The following CDC14A variants were observed in gnomAD, a reference collection of about 807,000 sequenced individuals.
CDC14A encodes dual specificity protein phosphatase CDC14A.
CDC14A carries 53 observed loss-of-function variants against 74.4 expected under a neutral mutation model. That is an observed-to-expected ratio of 0.71 (90% CI 0.57 to 0.89). The LOEUF is 0.89. CDC14A is among the 40% of genes least tolerant of loss of function. The pLI, the probability that CDC14A is intolerant of heterozygous loss-of-function variation, is 0.00. For missense variants in CDC14A, 646 were observed against 713.7 expected, an observed-to-expected ratio of 0.91 and a Z score of 1.08; for synonymous variants, 247 against 258.4, an observed-to-expected ratio of 0.96 and a Z score of 0.43.
chr1:100,460,154 A>G (rs1409919439), intron 8 of CDC14A, among the ~76,000 whole-genome samples: 1 of 152,234 alleles, frequency 6.6e-6, no homozygotes, highest in Non-Finnish European at 1.5e-5. Context: ...CACTTAGCAT[A>G]GTGGCTAGCA....
intron 10 of CDC14A, among the ~76,000 whole-genome samples, chr1:100,469,610 C>A (rs773398555): frequency 2.6e-5 from 4 of 152,170 alleles, no homozygotes; most frequent in African/African-American, 9.7e-5. Flanking sequence ...GGTTAAAAAA[C>A]CAAATACTCC....
intron 10 of CDC14A, among the ~76,000 whole-genome samples, chr1:100,477,250 T>G (rs1377289609): frequency 6.6e-6 from 1 of 152,154 alleles, no homozygotes; most frequent in Non-Finnish European, 1.5e-5. Context: ...CATAGGAAAT[T>G]AATACATCTG....
At chr1:100,413,519 T>C (rs185738908) in intron 4 of CDC14A, among the ~76,000 whole-genome samples, 72 of 152,322 alleles carry the variant, frequency 4.7e-4, no homozygotes, top group Non-Finnish European at 1.6e-4. Context: ...AAGTATATAC[T>C]CTAGTTACTA....
intron 10 of CDC14A, among the ~76,000 whole-genome samples, chr1:100,475,875 C>T (rs1439281126): frequency 6.6e-6 from 1 of 152,070 alleles, no homozygotes; most frequent in Admixed American, 6.6e-5. Context: ...AGGAGTGGGG[C>T]CGAAATTGGG....
At chr1:100,497,627 G>A (rs1001824950) in intron 13 of CDC14A, among the ~76,000 whole-genome samples, 1 of 152,202 alleles carries the variant, frequency 6.6e-6, no homozygotes, top group East Asian at 1.9e-4. Flanking sequence ...GTGAAAAGAA[G>A]AGGATGGATT....
At chr1:100,433,322 C>T (rs1276635877) in intron 5 of CDC14A, among the ~76,000 whole-genome samples, 2 of 152,194 alleles carry the variant, frequency 1.3e-5, no homozygotes, top group Non-Finnish European at 2.9e-5. Flanking sequence ...CAACACTGTA[C>T]TATACTCTGG....
intron 4 of CDC14A, among the ~76,000 whole-genome samples, chr1:100,412,560 TG>T (rs1421695842): frequency 2.7e-5 from 4 of 147,750 alleles, no homozygotes; most frequent in Admixed American, 2.7e-4. Context: ...CATAGGAAGA[TG>T]GGGGTGAGAA....
In CDC14A at chr1:100,459,095, ACACACG is replaced by A. The variant is rs1174157982; in HGVS notation, c.608-3550_608-3545del. On this transcript the variant is annotated intron_variant, in intron 8 of 15. Transcript: ENST00000336454. ...TTCTCACTTCTATTTAAACACACAC[ACACACG>A]CACACACACACACACACACACACAC... is the stretch of plus-strand genomic sequence containing the variant. 3.0e-3 allele frequency among the ~76,000 whole-genome samples: 402 copies of A among 135,428 alleles called. 7 individuals are homozygous for A. Among genetic ancestry groups the A allele is most frequent in the African/African-American group, 0.011 (369 of 33,228 alleles). The allele number at this position is 135,428 out of a possible 152,430, so 88.8% of individuals were successfully genotyped here.
At chr1:100,399,956 T>G (rs1302716048) in intron 4 of CDC14A, among the ~76,000 whole-genome samples, 1 of 152,164 alleles carries the variant, frequency 6.6e-6, no homozygotes, top group Non-Finnish European at 1.5e-5. Flanking sequence ...CTGTAAAAAA[T>G]TAGGAAGTCC....
intron 2 of CDC14A, among the ~76,000 whole-genome samples, chr1:100,368,760 A>G (rs907522492): frequency 6.6e-6 from 1 of 152,278 alleles, no homozygotes; most frequent in Admixed American, 6.5e-5. Context: ...CCACTTCAGT[A>G]GTCCTTCATG....
At position 100,393,198 on chromosome 1, in the gene CDC14A, A is replaced by G. The variant is rs750124257; in HGVS notation, c.309+2374A>G. On this transcript the variant is annotated intron_variant, in intron 4 of 15. Coordinates refer to ENST00000336454, the MANE Select transcript of CDC14A (RefSeq NM_003672.4). ...CAATTTAGATCCAGCTGTGAGTTGC[A>G]TGTTCTTTCTCTGCCAGTTTAAATC... The G allele has an allele frequency of 2.3e-5, 37 of 1,594,328 alleles. 1 individual carries two copies. Among genetic ancestry groups the G allele is most frequent in the Non-Finnish European group, 3.0e-5 (35 of 1,162,394 alleles).
intron 3 of CDC14A, among the ~76,000 whole-genome samples, chr1:100,379,832 T>C (rs1319252916): frequency 6.6e-6 from 1 of 152,118 alleles, no homozygotes. Context: ...TCATGTCATA[T>C]GGCAAGAGAG....
In CDC14A at chr1:100,508,073, A is replaced by G. The variant is rs578210637; in HGVS notation, c.1755+8811A>G. On this transcript the variant is annotated intron_variant, in intron 15 of 15. Coordinates refer to ENST00000336454, the MANE Select transcript of CDC14A (RefSeq NM_003672.4). The surrounding 1 kb of genome is among the most constrained non-coding windows in gnomAD (Gnocchi z 4.4). ...TTTTCAGTTCCTAAGCTCTAGCTGTATTCTGATTGAATTCCTCCTATTATT... is the reference window on the plus strand; with the variant it reads ...TTTTCAGTTCCTAAGCTCTAGCTGTGTTCTGATTGAATTCCTCCTATTATT... 1.3e-5 allele frequency among the ~76,000 whole-genome samples: 2 copies of G among 152,184 alleles called. No homozygotes were observed. The highest frequency in any genetic ancestry group is 2.9e-5 in the Non-Finnish European group (2 of 67,976).
chr1:100,366,473 G>A (rs925230716), intron 2 of CDC14A, among the ~76,000 whole-genome samples: 1 of 152,256 alleles, frequency 6.6e-6, no homozygotes, highest in African/African-American at 2.4e-5. Context: ...TAGAAAAACC[G>A]AAGACAAAAT....
At chr1:100,401,809 T>C (rs1557719413) in intron 4 of CDC14A, among the ~76,000 whole-genome samples, 1 of 151,942 alleles carries the variant, frequency 6.6e-6, no homozygotes, top group African/African-American at 2.4e-5. Flanking sequence ...GAGGCCAAGG[T>C]GGGCGGATCA....
intron 2 of CDC14A, among the ~76,000 whole-genome samples, chr1:100,366,453 T>G (rs966432942): frequency 6.6e-6 from 1 of 152,230 alleles, no homozygotes; most frequent in African/African-American, 2.4e-5. Flanking sequence ...TCACTTAAAT[T>G]ATAGTTTATT....
chr1:100,367,163 T>C (rs1653748582), intron 2 of CDC14A, among the ~76,000 whole-genome samples: 1 of 152,228 alleles, frequency 6.6e-6, no homozygotes, highest in Non-Finnish European at 1.5e-5. Context: ...GAAGTACTTA[T>C]TTCTACCATC....
intron 11 of CDC14A, among the ~76,000 whole-genome samples, chr1:100,487,007 A>T (rs1434486418): frequency 6.6e-6 from 1 of 152,196 alleles, no homozygotes; most frequent in African/African-American, 2.4e-5. Context: ...TAAATTGCAC[A>T]TGGGAAAATA....
At chr1:100,393,574 G>A (rs1658015382) in intron 4 of CDC14A, 5 of 726,530 alleles carry the variant, frequency 6.9e-6, no homozygotes, top group Non-Finnish European at 1.3e-5. Context: ...TTCATAGTAG[G>A]TTGGTATCTG....
Sources: allele counts gnomAD v4.1 joint callset (sites outside exome capture counted in the v4.1 genomes callset), GRCh38; gene constraint gnomAD v4.1.1; non-coding constraint Gnocchi (gnomAD v3.1); transcripts MANE v1.5; gene names NCBI Gene and HGNC (gene_info 2026-07-23, HGNC 2026-07-21).